NALF1: variants seen among roughly 807,000 people sequenced by gnomAD.
NALF1 encodes family with sequence similarity 155 member A.
A neutral mutation model predicts 48.4 loss-of-function variants in NALF1; 3 were observed. That is an observed-to-expected ratio of 0.06 (90% CI 0.03 to 0.16). The LOEUF (loss-of-function observed/expected upper bound fraction) is 0.16, where lower values mean the gene tolerates loss of function less well. Among genes scored for constraint, NALF1 ranks in the 10% least tolerant of loss-of-function variants. The pLI is 1.00. For synonymous variants in NALF1, 262 were observed against 245.7 expected (o/e 1.07, Z -0.62); for missense variants, 526 against 571.5 (o/e 0.92, Z 0.81).
chr13:107,300,689 A>T (rs1316340440), intron 1 of NALF1, among the ~76,000 whole-genome samples: 2 of 152,216 alleles, frequency 1.3e-5, no homozygotes, highest in Admixed American at 1.3e-4. Context: ...TTGATGGGTC[A>T]TGGAATGAAA....
chr13:107,661,052 T>C (rs1220343223), intron 1 of NALF1, among the ~76,000 whole-genome samples: 1 of 152,228 alleles, frequency 6.6e-6, no homozygotes, highest in Non-Finnish European at 1.5e-5. Context: ...AATAAAAAAC[T>C]ATCTCTAGTC....
intron 2 of NALF1, among the ~76,000 whole-genome samples, chr13:107,207,786 C>G (rs1207963921): frequency 6.6e-6 from 1 of 152,234 alleles, no homozygotes. Flanking sequence ...GCTGCGACTA[C>G]AGGTGCACAT....
intron 1 of NALF1, among the ~76,000 whole-genome samples, chr13:107,729,846 C>T (rs1876258723): frequency 6.6e-6 from 1 of 151,990 alleles, no homozygotes; most frequent in Admixed American, 6.6e-5. Context: ...GTGTAGCTGC[C>T]GTGGCCACAT....
At chr13:107,497,867 A>G (rs540627907) in intron 1 of NALF1, among the ~76,000 whole-genome samples, 7 of 152,312 alleles carry the variant, frequency 4.6e-5, no homozygotes, top group African/African-American at 1.7e-4. Flanking sequence ...TAAATACAAA[A>G]CAACGAAATC....
At chr13:107,392,993 T>G (rs1257570580) in intron 1 of NALF1, among the ~76,000 whole-genome samples, 3 of 152,088 alleles carry the variant, frequency 2.0e-5, no homozygotes, top group African/African-American at 7.2e-5. Context: ...GCATGGGGTA[T>G]GGACAATGCT....
At position 107,621,675 on chromosome 13, in the gene NALF1, G is replaced by A. The variant is rs372281774; in HGVS notation, c.915+244007C>T. Among the ~76,000 whole-genome samples the A allele has an allele frequency of 3.3e-4, 50 of 152,292 alleles. 3 individuals carry two copies. In the South Asian group the frequency reaches 0.01, roughly 31 times the overall value. On this transcript the variant is annotated intron_variant, in intron 1 of 2. Transcript: ENST00000375915. The stretch of plus-strand genomic sequence containing the variant: ...ACATTTCTCCCAGTCATGCCTGATT[G>A]TAATGTCTGGCTCTCTGCCCTGTCA...
At chr13:107,288,857 A>G (rs1881559011) in intron 1 of NALF1, among the ~76,000 whole-genome samples, 2 of 152,200 alleles carry the variant, frequency 1.3e-5, no homozygotes, top group African/African-American at 4.8e-5. Context: ...TATGTTGGAT[A>G]GAAGCAAGCA....
At chr13:107,505,226 A>C (rs2139082075) in intron 1 of NALF1, among the ~76,000 whole-genome samples, 1 of 152,312 alleles carries the variant, frequency 6.6e-6, no homozygotes, top group East Asian at 1.9e-4. Context: ...GTTGGAAATT[A>C]TTGCAGAGAG....
chr13:107,461,195 GATAA>G (rs1044484567), intron 1 of NALF1, among the ~76,000 whole-genome samples: 1 of 151,966 alleles, frequency 6.6e-6, no homozygotes, highest in Admixed American at 6.6e-5. Flanking sequence ...ATTATAAAAG[GATAA>G]ATAATTTATA....
chr13:107,211,207 T>C (rs1879754420), intron 1 of NALF1, among the ~76,000 whole-genome samples: 2 of 152,220 alleles, frequency 1.3e-5, no homozygotes, highest in Admixed American at 6.5e-5. Flanking sequence ...CGAAGCACTT[T>C]ATAAAGATGG....
intron 1 of NALF1, among the ~76,000 whole-genome samples, chr13:107,324,531 G>C (rs534042355): frequency 3.9e-5 from 6 of 152,220 alleles, no homozygotes; most frequent in Admixed American, 3.3e-4. Context: ...CAAAATTCTA[G>C]AAGAAAATCC....
chr13:107,287,100 A>G (rs1200148309), intron 1 of NALF1, among the ~76,000 whole-genome samples: 2 of 152,260 alleles, frequency 1.3e-5, no homozygotes, highest in Non-Finnish European at 2.9e-5. Context: ...GCACGCATAA[A>G]CAGTATTCTG....
chr13:107,850,618 G>T (rs924699678), intron 1 of NALF1, among the ~76,000 whole-genome samples: 9 of 152,080 alleles, frequency 5.9e-5, no homozygotes, highest in Admixed American at 5.9e-4. Context: ...TAAAACATTG[G>T]CTGGCCAGGC....
chr13:107,704,900 C>T (rs925662600), intron 1 of NALF1, among the ~76,000 whole-genome samples: 8 of 152,068 alleles, frequency 5.3e-5, no homozygotes, highest in African/African-American at 1.9e-4. Context: ...TACTTCATTA[C>T]CTGTTTGTCT....
At chr13:107,321,323 G>A (rs949609430) in intron 1 of NALF1, among the ~76,000 whole-genome samples, 1 of 152,012 alleles carries the variant, frequency 6.6e-6, no homozygotes, top group African/African-American at 2.4e-5. Context: ...TCCGAATATT[G>A]AGAAAAAATA....
chr13:107,218,006 G>A (rs960943500), intron 1 of NALF1, among the ~76,000 whole-genome samples: 5 of 152,102 alleles, frequency 3.3e-5, no homozygotes, highest in Admixed American at 6.5e-5. Flanking sequence ...GCTCCTAACC[G>A]ATTCACAGCT....
At chr13:107,698,472 G>C (rs1881744943) in intron 1 of NALF1, among the ~76,000 whole-genome samples, 1 of 151,968 alleles carries the variant, frequency 6.6e-6, no homozygotes, top group Admixed American at 6.6e-5. Flanking sequence ...GTTTACAGAA[G>C]CTTTGTCCTT....
At chr13:107,696,303 T>C (rs1029759061) in intron 1 of NALF1, among the ~76,000 whole-genome samples, 2 of 152,236 alleles carry the variant, frequency 1.3e-5, no homozygotes, top group African/African-American at 4.8e-5. Context: ...GATATACTAT[T>C]GTAATTTACA....
rs150968862 is a variant in NALF1, at chr13:107,185,958, C to T, written c.1088-15172G>A. Among the ~76,000 whole-genome samples the T allele has an allele frequency of 1.8e-3, 274 of 152,202 alleles. 1 individual carries two copies. The highest frequency in any genetic ancestry group is 6.2e-3 in the African/African-American group (259 of 41,524). ...AACCACAGTCCAAAAATGTTAGATG[C>T]AAAATTCCAGAAATAAACAATCCAT... is the stretch of plus-strand genomic sequence containing the variant. On this transcript the variant is annotated intron_variant, in intron 2 of 2. Coordinates refer to ENST00000375915, the MANE Select transcript of NALF1 (RefSeq NM_001080396.3).
Sources: gnomAD v4.1 joint callset for allele counts (sites outside exome capture counted in the v4.1 genomes callset) on GRCh38, gnomAD v4.1.1 for gene constraint, MANE v1.5 for transcripts, NCBI Gene and HGNC (gene_info 2026-07-23, HGNC 2026-07-21) for gene names.